The following NAP1L4 variants were observed in gnomAD, a reference collection of about 807,000 sequenced individuals.
The protein encoded by NAP1L4 is nucleosome assembly protein 1 like 4.
NAP1L4 carries 15 observed loss-of-function variants against 58.2 expected under a neutral mutation model. The ratio of observed to expected loss-of-function variants is 0.26; its 90% CI spans 0.17 to 0.40. NAP1L4 has a LOEUF of 0.40. Ranked by LOEUF, NAP1L4 falls within the 10% of genes least tolerant of loss-of-function variation. The pLI, the probability that NAP1L4 is intolerant of heterozygous loss-of-function variation, is 1.00. For missense variants in NAP1L4, 384 were observed against 451.1 expected (o/e 0.85, Z 1.35); for synonymous variants, 171 against 155.6 (o/e 1.10, Z -0.74).
At position 2,978,418 on chromosome 11, in the gene NAP1L4, TA is replaced by T. The variant is rs780358283; in HGVS notation, c.15-77del. On this transcript the variant is annotated intron_variant, in intron 2 of 15. Transcript: ENST00000380542. The stretch of plus-strand genomic sequence containing the variant: ...ACATAGCACAAATGGACATGTTTCT[TA>T]TTCAATATATTAAGAGGTATCTGTA... 6.1e-4 allele frequency: 817 copies of T among 1,330,530 alleles called. 2 individuals are homozygous for T. The highest frequency in any genetic ancestry group is 7.4e-4 in the Non-Finnish European group (692 of 940,188). The allele number at this position is 1,330,530 out of a possible 1,614,324, so 82.4% of individuals were successfully genotyped here.
intron 2 of NAP1L4, among the ~76,000 whole-genome samples, chr11:2,978,931 A>T (rs1229359747): frequency 6.6e-6 from 1 of 152,186 alleles, no homozygotes; most frequent in African/African-American, 2.4e-5. Flanking sequence ...GACTGTTAGG[A>T]GAGTGTCAAA....
rs1354884272 is a variant in NAP1L4 at position 2,971,349 on chromosome 11, A to G, written c.402+99T>C. The G allele has an allele frequency of 1.6e-5, 16 of 1,011,048 alleles. No homozygotes were observed. Among genetic ancestry groups the G allele is most frequent in the Non-Finnish European group, 2.2e-5 (15 of 675,776 alleles). The allele number at this position is 1,011,048 out of a possible 1,614,324, so 62.6% of individuals were successfully genotyped here. ...TAATGATGCAGCAGCACCTACTGTT[A>G]GAAGCACATAAGTTTACTAGTCATT... On this transcript the variant is annotated intron_variant, in intron 6 of 15. Coordinates refer to ENST00000380542, the MANE Select transcript of NAP1L4 (RefSeq NM_005969.4). This position sits in a 1 kb window ranked among gnomAD's most constrained non-coding sequence, Gnocchi z 4.2.
intron 12 of NAP1L4, chr11:2,952,760 G>A (rs1373078477): frequency 6.6e-6 from 1 of 152,200 alleles, no homozygotes; most frequent in Admixed American, 6.5e-5. Flanking sequence ...AGGCTCCAGG[G>A]CCTATTCCAA....
chr11:2,975,902 T>A, intron 4 of NAP1L4, 122 bp downstream of exon 4: 2 of 859,546 alleles, frequency 2.3e-6, no homozygotes, highest in Non-Finnish European at 3.5e-6. Flanking sequence ...CTGTCTCTCA[T>A]AGACAATGTC....
chr11:2,987,335 C>T (rs1054466222), intron 1 of NAP1L4, among the ~76,000 whole-genome samples: 1 of 151,690 alleles, frequency 6.6e-6, no homozygotes, highest in Non-Finnish European at 1.5e-5. Context: ...TGGAGTCTCG[C>T]TCTGTCACCC....
At chr11:2,980,862 C>G (rs1319675944) in intron 1 of NAP1L4, among the ~76,000 whole-genome samples, 1 of 151,642 alleles carries the variant, frequency 6.6e-6, no homozygotes, top group East Asian at 1.9e-4. Flanking sequence ...ATTCAAAATA[C>G]AACAAATATT....
chr11:2,952,194 G>A (rs948400695), intron 12 of NAP1L4: 12 of 256,044 alleles, frequency 4.7e-5, no homozygotes, highest in Non-Finnish European at 9.1e-5. Context: ...GATCGAACCA[G>A]CAGCATAATG....
rs1466787296 is a variant in NAP1L4, at chr11:2,976,136, A to C, written c.74-13T>G. On this transcript the variant is annotated splice_polypyrimidine_tract_variant and intron_variant, in intron 3 of 15. Coordinates refer to ENST00000380542, the MANE Select transcript of NAP1L4 (RefSeq NM_005969.4). Reference sequence around the variant, plus strand: ...TCTGTGAGCTTTTCTATGAAGAGTTAAGACCAAACATATTTAAAATATGCC... The same window carrying C: ...TCTGTGAGCTTTTCTATGAAGAGTTCAGACCAAACATATTTAAAATATGCC... The C allele has an allele frequency of 6.3e-7, 1 of 1,598,616 alleles. No individual in the cohort carries two copies. The highest frequency in any genetic ancestry group is 8.5e-7 in the Non-Finnish European group (1 of 1,170,958).
chr11:2,957,859 AT>A (rs1229829228), intron 10 of NAP1L4, among the ~76,000 whole-genome samples: 3 of 152,244 alleles, frequency 2.0e-5, no homozygotes, highest in African/African-American at 7.2e-5. Context: ...AAAAAATTCT[AT>A]CAAATTATGC....
At chr11:2,969,401 CT>C (rs758138451) in intron 7 of NAP1L4, among the ~76,000 whole-genome samples, 22 of 152,078 alleles carry the variant, frequency 1.4e-4, no homozygotes, top group Non-Finnish European at 2.9e-4. Context: ...CAGCTCATCC[CT>C]TCAAAATTCA....
rs111814754 is a variant in NAP1L4 at position 2,957,998 on chromosome 11, C to T, written c.892+401G>A. Among the ~76,000 whole-genome samples, 640 of 152,236 alleles carry T rather than the reference C, an allele frequency of 4.2e-3. 5 individuals carry two copies. Among genetic ancestry groups the T allele is most frequent in the Non-Finnish European group, 5.3e-3 (359 of 68,014 alleles). On this transcript the variant is annotated intron_variant, in intron 10 of 15. Transcript: ENST00000380542. ...GCTCTCCGAGGCTGGGAGTGGTCCC[C>T]GGGGGGTGCGAACCAGACACAACAG...
Position 2,969,893 on chromosome 11 carries a change from CGCT to C in NAP1L4, c.441_443del (p.Ala149del), listed in dbSNP as rs1847534441. Reference sequence around the variant, plus strand: ...TGGGATCTGGCTCTTCAGCCGTTGCCGCTGCTTTTTCTGTGACGACTACTTTAC... The same window carrying C: ...TGGGATCTGGCTCTTCAGCCGTTGCCGCTTTTTCTGTGACGACTACTTTAC... On this transcript the variant is annotated inframe_deletion, in exon 7 of 16. Transcript: ENST00000380542. 3 of 1,613,680 alleles carry C rather than the reference CGCT, an allele frequency of 1.9e-6. No individual in the cohort carries two copies. Among genetic ancestry groups the C allele is most frequent in the Non-Finnish European group, 2.5e-6 (3 of 1,179,784 alleles).
At position 2,946,725 on chromosome 11, in the gene NAP1L4, G is replaced by T. The variant is rs1258132396; in HGVS notation, c.*33-1079C>A. Among the ~76,000 whole-genome samples, 2 of 152,188 alleles carry T rather than the reference G, an allele frequency of 1.3e-5. No individual in the cohort carries two copies. Among genetic ancestry groups the T allele is most frequent in the African/African-American group, 4.8e-5 (2 of 41,442 alleles). On this transcript the variant is annotated intron_variant, in intron 15 of 15. Coordinates refer to ENST00000380542, the MANE Select transcript of NAP1L4 (RefSeq NM_005969.4). The surrounding 1 kb of genome is among the most constrained non-coding windows in gnomAD (Gnocchi z 4.8). The stretch of plus-strand genomic sequence containing the variant: ...ACAAAATCAATAACCTTGAACCCTG[G>T]TGTCTAAGCTCCCAATCTCAGCCAC...
At chr11:2,985,377 C>A (rs1048884728) in intron 1 of NAP1L4, among the ~76,000 whole-genome samples, 4 of 149,932 alleles carry the variant, frequency 2.7e-5, no homozygotes, top group African/African-American at 9.8e-5. Context: ...ATCAAATATA[C>A]AGGTTTGAGG....
At position 2,951,048 on chromosome 11, in the gene NAP1L4, G is replaced by T. The variant is rs1222253874; in HGVS notation, c.1122+211C>A. On this transcript the variant is annotated intron_variant, in intron 14 of 15. Coordinates refer to ENST00000380542, the MANE Select transcript of NAP1L4 (RefSeq NM_005969.4). The surrounding 1 kb of genome is among the most constrained non-coding windows in gnomAD (Gnocchi z 4.0). ...AAATAAGACACAGCTTGAGACAGCT[G>T]GAAAAGCTTCTACTGAGTATGTACA... is the stretch of plus-strand genomic sequence containing the variant. The T allele has an allele frequency of 3.8e-6, 2 of 526,410 alleles. No homozygotes were observed. The highest frequency in any genetic ancestry group is 6.7e-6 in the Non-Finnish European group (2 of 298,890). The allele number at this position is 526,410 out of a possible 1,614,324, so 32.6% of individuals were successfully genotyped here.
At position 2,951,463 on chromosome 11, in the gene NAP1L4, T is replaced by C; in HGVS notation, c.1066-148A>G. The stretch of plus-strand genomic sequence containing the variant: ...GTGACTCATCACTTCCTTTGGACAC[T>C]TAGAATTATTTCTAGGTATCTTTTT... On this transcript the variant is annotated intron_variant, in intron 13 of 15. Coordinates refer to ENST00000380542, the MANE Select transcript of NAP1L4 (RefSeq NM_005969.4). The surrounding 1 kb of genome is among the most constrained non-coding windows in gnomAD (Gnocchi z 4.0). 1.4e-6 allele frequency: 1 copy of C among 727,284 alleles called. No individual in the cohort carries two copies. Among genetic ancestry groups the C allele is most frequent in the Non-Finnish European group, 2.4e-6 (1 of 418,632 alleles). 45.1% of individuals were successfully genotyped at this position (727,284 alleles called of 1,614,324 possible). A position where few individuals can be genotyped will look rare whatever the true frequency, so the allele number is the denominator to read the frequency against.
chr11:2,949,365 AG>A lies in NAP1L4; in HGVS notation c.1123-102del. 2 of 952,782 alleles carry A rather than the reference AG, an allele frequency of 2.1e-6. No homozygotes were observed. The highest frequency in any genetic ancestry group is 3.4e-6 in the Non-Finnish European group (2 of 586,188). 59.0% of individuals were successfully genotyped at this position (952,782 alleles called of 1,614,324 possible). On this transcript the variant is annotated intron_variant, in intron 14 of 15. Transcript: ENST00000380542. The surrounding 1 kb of genome is among the most constrained non-coding windows in gnomAD (Gnocchi z 4.0). The stretch of plus-strand genomic sequence containing the variant: ...CGGCCACAATTTCTCATGATACAAA[AG>A]GGCTGCAAGATACTGAACTCGGGGT...
rs1356230890 is a variant in NAP1L4, at chr11:2,948,659, C to T, written c.*32+568G>A. Among the ~76,000 whole-genome samples the T allele has an allele frequency of 6.6e-6, 1 of 152,206 alleles. No individual in the cohort carries two copies. ...AACTAGCACCAACCTCACAACAGTA[C>T]TTTTTACTGCTGACACCAAAACAGA... On this transcript the variant is annotated intron_variant, in intron 15 of 15. Transcript: ENST00000380542. The surrounding 1 kb of genome is among the most constrained non-coding windows in gnomAD (Gnocchi z 5.1).
At chr11:2,982,452 C>T (rs1416889882) in intron 1 of NAP1L4, among the ~76,000 whole-genome samples, 3 of 152,152 alleles carry the variant, frequency 2.0e-5, no homozygotes, top group African/African-American at 4.8e-5. Flanking sequence ...AGTAACACCT[C>T]GTAAAGACAC....
Sources: gnomAD v4.1 joint callset for allele counts (sites outside exome capture counted in the v4.1 genomes callset) on GRCh38, gnomAD v4.1.1 for gene constraint, Gnocchi (gnomAD v3.1) non-coding constraint, MANE v1.5 for transcripts, NCBI Gene and HGNC (gene_info 2026-07-23, HGNC 2026-07-21) for gene names.